The following SLC16A14 variants were observed in gnomAD, a reference collection of about 807,000 sequenced individuals.
The protein encoded by SLC16A14 is solute carrier family 16 member 14.
Under a neutral mutation model 35.8 loss-of-function variants are expected in SLC16A14, and 14 were observed. That is an observed-to-expected ratio of 0.39 (90% CI 0.26 to 0.61). The LOEUF (loss-of-function observed/expected upper bound fraction) is 0.61, where lower values mean the gene tolerates loss of function less well. Among genes scored for constraint, SLC16A14 ranks in the 20% least tolerant of loss-of-function variants. The probability of loss-of-function intolerance (pLI) is 0.51; values close to 1 mark genes in which losing one functional copy is unlikely to be tolerated. For synonymous variants in SLC16A14, 248 were observed against 258.9 expected (o/e 0.96, Z 0.40); for missense variants, 533 against 655.0 (o/e 0.81, Z 2.03).
intron 4 of SLC16A14, among the ~76,000 whole-genome samples, chr2:230,045,067 A>G (rs956924765): frequency 1.4e-4 from 21 of 152,188 alleles, no homozygotes; most frequent in Admixed American, 3.9e-4. Flanking sequence ...CAACAACAGA[A>G]GATCTGGCAA....
chr2:230,054,110 A>T (rs1200181842), intron 2 of SLC16A14, among the ~76,000 whole-genome samples: 3 of 151,150 alleles, frequency 2.0e-5, no homozygotes, highest in Non-Finnish European at 4.4e-5. Flanking sequence ...AAAGCTCCCC[A>T]GGTGGATCTG....
rs1459685607 is a variant in SLC16A14, at chr2:230,046,466, G to A, written c.660C>T (p.Asp220=). 1 of 1,614,178 alleles carries A rather than the reference G, an allele frequency of 6.2e-7. No homozygotes were observed. The highest frequency in any genetic ancestry group is 1.1e-5 in the South Asian group (1 of 91,078). The change falls in exon 4 of 5, where the codon GAC becomes GAT. Residue 220 remains aspartate, a synonymous_variant. Transcript: ENST00000295190. The surrounding 1 kb of genome is among the most constrained non-coding windows in gnomAD (Gnocchi z 5.0). ...RPLSPGKNPN[D]PGEKDVRGLP... is the part of the protein sequence containing the mutation. ...GGCCACGCACATCTTTCTCTCCTGG[G>A]TCGTTTGGGTTTTTACCAGGAGAGA...
Position 230,045,849 on chromosome 2 carries a change from G to A in SLC16A14, c.1277C>T (p.Pro426Leu). 1 of 1,614,070 alleles carries A rather than the reference G, an allele frequency of 6.2e-7. No homozygotes were observed. Among genetic ancestry groups the A allele is most frequent in the Non-Finnish European group, 8.5e-7 (1 of 1,179,982 alleles). ...GCCAACCAAGTCTTCAGTCACTACG[G>A]GCATTAGGGAGAAATAACCACTGGA... ...GFSSGYFSLM[P>L]VVTEDLVGIE... is the part of the protein sequence containing the mutation. Residue 426 changes from proline to leucine, a missense_variant, in exon 4 of 5, where the codon CCC becomes CTC. By Grantham distance (98) the Pro-to-Leu change is moderately conservative. Transcript: ENST00000295190.
intron 3 of SLC16A14, among the ~76,000 whole-genome samples, chr2:230,049,297 C>T (rs1489941600): frequency 1.4e-5 from 2 of 147,348 alleles, no homozygotes; most frequent in African/African-American, 5.0e-5. Context: ...CCAGGCTGGT[C>T]TCGAACTCCT....
chr2:230,061,758 T>TG (rs1468503526), intron 1 of SLC16A14, among the ~76,000 whole-genome samples: 1 of 151,980 alleles, frequency 6.6e-6, no homozygotes, highest in Non-Finnish European at 1.5e-5. Context: ...TTTTTTTTTT[T>TG]TGAGACAGAG....
chr2:230,054,054 T>A (rs1330347542), intron 2 of SLC16A14, among the ~76,000 whole-genome samples: 1 of 148,328 alleles, frequency 6.7e-6, no homozygotes, highest in Non-Finnish European at 1.5e-5. Context: ...AAAATCCTGA[T>A]ACTTGGAGCC....
At chr2:230,065,481 C>T (rs563943759) in intron 1 of SLC16A14, among the ~76,000 whole-genome samples, 15 of 152,284 alleles carry the variant, frequency 9.9e-5, no homozygotes, top group Admixed American at 7.2e-4. Flanking sequence ...TCTGGAACTC[C>T]TAACCTCAAG....
intron 2 of SLC16A14, among the ~76,000 whole-genome samples, chr2:230,051,216 A>G (rs1484382708): frequency 6.6e-6 from 1 of 152,144 alleles, no homozygotes; most frequent in Non-Finnish European, 1.5e-5. Flanking sequence ...GCTAGAGTTC[A>G]GTGGTGTGAT....
intron 2 of SLC16A14, among the ~76,000 whole-genome samples, chr2:230,051,454 C>A (rs771388298): frequency 2.0e-5 from 3 of 152,184 alleles, no homozygotes; most frequent in Non-Finnish European, 4.4e-5. Flanking sequence ...AGCCATGGCA[C>A]CTGGCTGACT....
chr2:230,065,499 C>T (rs2077787679), intron 1 of SLC16A14, among the ~76,000 whole-genome samples: 1 of 152,212 alleles, frequency 6.6e-6, no homozygotes, highest in Admixed American at 6.5e-5. Context: ...AAGTGATCCA[C>T]CTGCCTTGGC....
At chr2:230,063,685 G>A (rs2077769347) in intron 1 of SLC16A14, among the ~76,000 whole-genome samples, 1 of 152,088 alleles carries the variant, frequency 6.6e-6, no homozygotes, top group African/African-American at 2.4e-5. Flanking sequence ...TTTCTACTAA[G>A]ACATGTATCC....
In SLC16A14 at chr2:230,046,066, G is replaced by A. The variant is rs781233184; in HGVS notation, c.1060C>T (p.Pro354Ser). The change falls in exon 4 of 5, where the codon CCT (proline) becomes TCT (serine). Residue 354 changes from proline (P) to serine (S), a missense_variant. Pro to Ser is a moderately conservative substitution (Grantham distance 74). Coordinates refer to ENST00000295190, the MANE Select transcript of SLC16A14 (RefSeq NM_152527.5). The surrounding 1 kb of genome is among the most constrained non-coding windows in gnomAD (Gnocchi z 5.0). ...ACTATTGCTATAATTGACGTCAGAG[G>A]GAAAACGTCGTTTTGCTCCGATAAG... ...YNLSEQNDVF[P>S]LTSIIAIVHI... The A allele has an allele frequency of 5.6e-6, 9 of 1,614,040 alleles. No homozygotes were observed. The African/African-American group carries it at 1.1e-4, about 19-fold the overall frequency.
At chr2:230,066,292 A>C (rs368953817) in intron 1 of SLC16A14, among the ~76,000 whole-genome samples, 1 of 151,858 alleles carries the variant, frequency 6.6e-6, no homozygotes, top group East Asian at 1.9e-4. Flanking sequence ...TGATAGAACG[A>C]GACTACCTCA....
chr2:230,043,644 G>A (rs1188842708), intron 4 of SLC16A14, among the ~76,000 whole-genome samples: 1 of 152,246 alleles, frequency 6.6e-6, no homozygotes, highest in Non-Finnish European at 1.5e-5. Flanking sequence ...ACCTCTAGCA[G>A]CTCTGACAAT....
intron 2 of SLC16A14, among the ~76,000 whole-genome samples, chr2:230,056,206 G>A (rs2077702506): frequency 6.7e-6 from 1 of 149,630 alleles, no homozygotes; most frequent in African/African-American, 2.5e-5. Context: ...ATAACACTTT[G>A]TCCTTGTTGT....
chr2:230,059,524 C>T (rs2077734647), intron 1 of SLC16A14, among the ~76,000 whole-genome samples, 158 bp from the exon 2 acceptor site: 1 of 152,212 alleles, frequency 6.6e-6, no homozygotes. Flanking sequence ...TGAAAACACT[C>T]CTTACTGTTT....
chr2:230,055,273 G>C (rs1215907037), intron 2 of SLC16A14, among the ~76,000 whole-genome samples: 1 of 152,176 alleles, frequency 6.6e-6, no homozygotes, highest in African/African-American at 2.4e-5. Flanking sequence ...CTAAATAAAG[G>C]AGAGCTGTTA....
At chr2:230,063,240 G>A (rs1224153663) in intron 1 of SLC16A14, among the ~76,000 whole-genome samples, 2 of 147,228 alleles carry the variant, frequency 1.4e-5, no homozygotes, top group African/African-American at 2.6e-5. Flanking sequence ...GTAGTGAGGT[G>A]AGATCACGTC....
chr2:230,053,375 G>C (rs2077678150), intron 2 of SLC16A14, among the ~76,000 whole-genome samples: 1 of 152,172 alleles, frequency 6.6e-6, no homozygotes, highest in Admixed American at 6.5e-5. Flanking sequence ...ACAATCCTTT[G>C]ACCATGACTC....
Sources: allele counts gnomAD v4.1 joint callset (sites outside exome capture counted in the v4.1 genomes callset), GRCh38; gene constraint gnomAD v4.1.1; non-coding constraint Gnocchi (gnomAD v3.1); transcripts MANE v1.5; gene names NCBI Gene and HGNC (gene_info 2026-07-23, HGNC 2026-07-21).